Variants in RBFOX1 observed in about 807,000 individuals in gnomAD.
The protein encoded by RBFOX1 is RNA binding fox-1 homolog 1.
Under a neutral mutation model 57.7 loss-of-function variants are expected in RBFOX1, and 8 were observed. The observed-to-expected ratio is 0.14, with a 90% CI of 0.08 to 0.25. The LOEUF (loss-of-function observed/expected upper bound fraction) is 0.25, where lower values mean the gene tolerates loss of function less well. Ranked by LOEUF, RBFOX1 falls within the 10% of genes least tolerant of loss-of-function variation. The pLI, the probability that RBFOX1 is intolerant of heterozygous loss-of-function variation, is 1.00. For missense variants in RBFOX1, 611 were observed against 548.5 expected (o/e 1.11, Z -1.14); for synonymous variants, 326 against 222.4 (o/e 1.47, Z -4.15).
chr16:7,054,954 G>A (rs990485897), intron 4 of RBFOX1, among the ~76,000 whole-genome samples: 1 of 152,122 alleles, frequency 6.6e-6, no homozygotes, highest in African/African-American at 2.4e-5. Flanking sequence ...GTGCCCCATC[G>A]AGGCTGTGTA....
At chr16:7,047,313 G>A (rs2048317141) in intron 3 of RBFOX1, among the ~76,000 whole-genome samples, 1 of 152,110 alleles carries the variant, frequency 6.6e-6, no homozygotes, top group Non-Finnish European at 1.5e-5. Context: ...ATTGGATGTA[G>A]TATTCTCAGT....
chr16:6,976,628 C>T (rs532857848), intron 3 of RBFOX1, among the ~76,000 whole-genome samples: 18 of 150,986 alleles, frequency 1.2e-4, no homozygotes, highest in Non-Finnish European at 2.2e-4. Flanking sequence ...AGAGGAAGAA[C>T]GCATCCACCC....
intron 2 of RBFOX1, among the ~76,000 whole-genome samples, chr16:6,647,886 G>T (rs553480754): frequency 3.3e-5 from 5 of 152,272 alleles, no homozygotes; most frequent in South Asian, 4.1e-4. Flanking sequence ...TTGTTGCCCA[G>T]TCTGGAGTGT....
intron 1 of RBFOX1, among the ~76,000 whole-genome samples, chr16:6,132,263 C>A (rs1267142060): frequency 6.6e-6 from 1 of 152,110 alleles, no homozygotes; most frequent in Non-Finnish European, 1.5e-5. Context: ...TCTCTATTTC[C>A]AGCCCCCTGG....
intron 5 of RBFOX1, among the ~76,000 whole-genome samples, chr16:7,559,876 A>G (rs1318710719): frequency 6.6e-6 from 1 of 152,220 alleles, no homozygotes; most frequent in Non-Finnish European, 1.5e-5. Context: ...GGGATGAAGT[A>G]ACATGTCCAA....
intron 14 of RBFOX1, among the ~76,000 whole-genome samples, chr16:7,699,264 T>A (rs575972048): frequency 1.2e-5 from 1 of 83,338 alleles, no homozygotes; most frequent in South Asian, 4.2e-4. Flanking sequence ...GATCTTAGCT[T>A]CCTGTAATCC....
rs763257136 is a variant in RBFOX1, at chr16:6,331,024, C to A, written c.-64+13967C>A. 9.2e-5 allele frequency among the ~76,000 whole-genome samples: 14 copies of A among 152,106 alleles called. 1 individual carries two copies. Among genetic ancestry groups the A allele is most frequent in the Admixed American group, 6.5e-5 (1 of 15,274 alleles). On this transcript the variant is annotated intron_variant, in intron 2 of 15. Transcript: ENST00000550418. The stretch of plus-strand genomic sequence containing the variant: ...AGACTTCAGATTTTATCCTAAGTGC[C>A]TTGGGCAGCTCTTAAGGGATCTGAA...
In RBFOX1 at chr16:7,265,090, A is replaced by G. The variant is rs113803109; in HGVS notation, c.27+212992A>G. Among the ~76,000 whole-genome samples the G allele has an allele frequency of 2.2e-3, 334 of 152,374 alleles. 3 individuals are homozygous for G. Among genetic ancestry groups the G allele is most frequent in the African/African-American group, 7.6e-3 (315 of 41,590 alleles). ...AATAAGCTCCCAGACCCTTTGTTCT[A>G]GCAATATTTATTGAATTACTAATAA... On this transcript the variant is annotated intron_variant, in intron 4 of 15. Coordinates refer to ENST00000550418, the MANE Select transcript of RBFOX1 (RefSeq NM_018723.4).
intron 3 of RBFOX1, among the ~76,000 whole-genome samples, chr16:6,752,698 C>T (rs1365224478): frequency 6.6e-6 from 1 of 152,166 alleles, no homozygotes; most frequent in African/African-American, 2.4e-5. Flanking sequence ...GTATCGGTTT[C>T]ATGCAACAGG....
At chr16:6,743,716 C>G (rs908800600) in intron 3 of RBFOX1, among the ~76,000 whole-genome samples, 5 of 151,662 alleles carry the variant, frequency 3.3e-5, no homozygotes, top group Admixed American at 1.3e-4. Flanking sequence ...GTATTCCAGC[C>G]TGCACTCCAC....
chr16:6,841,798 T>G lies in RBFOX1; in HGVS notation c.-16+187148T>G, dbSNP rs554445615. Among the ~76,000 whole-genome samples, 13 of 152,200 alleles carry G rather than the reference T, an allele frequency of 8.5e-5. No individual in the cohort carries two copies. In the South Asian group the frequency reaches 1.2e-3, roughly 15 times the overall value. On this transcript the variant is annotated intron_variant, in intron 3 of 15. Coordinates refer to ENST00000550418, the MANE Select transcript of RBFOX1 (RefSeq NM_018723.4). ...GGTTCCATTCTCAAGCCAGTGAACATCACTGTCTTCATGTGAATGTTCTTC... is the reference window on the plus strand; with the variant it reads ...GGTTCCATTCTCAAGCCAGTGAACAGCACTGTCTTCATGTGAATGTTCTTC...
chr16:5,679,228 T>A (rs1214087630), intron 3 of RBFOX1, among the ~76,000 whole-genome samples: 1 of 152,180 alleles, frequency 6.6e-6, no homozygotes, highest in African/African-American at 2.4e-5. Context: ...AACCAGGAGT[T>A]TTCTGTTCAT....
rs1219344994 is a variant in RBFOX1, at chr16:7,599,696, A to C, written c.622+2265A>C. On this transcript the variant is annotated intron_variant, in intron 9 of 15. Transcript: ENST00000550418. ...GGTCTCACTTTTTCACCCAGGCTGG[A>C]GGGCAGTGGCATGCTATTGGCTCAT... 3.7e-5 allele frequency among the ~76,000 whole-genome samples: 5 copies of C among 133,872 alleles called. No individual in the cohort carries two copies. The East Asian group carries it at 1.1e-3, about 31-fold the overall frequency. The allele number at this position is 133,872 out of a possible 152,430, so 87.8% of individuals were successfully genotyped here.
intron 3 of RBFOX1, among the ~76,000 whole-genome samples, chr16:6,812,412 C>A (rs890419066): frequency 6.6e-6 from 1 of 152,096 alleles, no homozygotes; most frequent in Non-Finnish European, 1.5e-5. Flanking sequence ...TGGGTCTTGT[C>A]ACCCAGGCTG....
At chr16:5,635,625 T>G (rs1018227400) in intron 3 of RBFOX1, among the ~76,000 whole-genome samples, 1 of 147,724 alleles carries the variant, frequency 6.8e-6, no homozygotes, top group Non-Finnish European at 1.5e-5. Flanking sequence ...GGTGGCTTAG[T>G]CATTGACATG....
intron 2 of RBFOX1, among the ~76,000 whole-genome samples, chr16:6,348,091 G>C (rs2085676687): frequency 6.6e-6 from 1 of 152,180 alleles, no homozygotes; most frequent in African/African-American, 2.4e-5. Flanking sequence ...AGAGGCAGGA[G>C]TGCTCTGAGG....
intron 3 of RBFOX1, among the ~76,000 whole-genome samples, chr16:5,735,629 G>T (rs1485490814): frequency 6.6e-6 from 1 of 152,164 alleles, no homozygotes; most frequent in Non-Finnish European, 1.5e-5. Context: ...GGGCCCAGTG[G>T]TTCACGCCTA....
At chr16:5,592,730 G>T (rs1354529742) in intron 2 of RBFOX1, among the ~76,000 whole-genome samples, 2 of 152,218 alleles carry the variant, frequency 1.3e-5, no homozygotes, top group African/African-American at 4.8e-5. Flanking sequence ...GAGGTGTGGT[G>T]GAAATGTGTG....
At chr16:6,852,466 C>G (rs1333369543) in intron 3 of RBFOX1, among the ~76,000 whole-genome samples, 2 of 152,176 alleles carry the variant, frequency 1.3e-5, no homozygotes, top group Non-Finnish European at 2.9e-5. Flanking sequence ...TGGCTATTAT[C>G]TGGCTTATTA....
Sources: allele counts gnomAD v4.1 joint callset (sites outside exome capture counted in the v4.1 genomes callset), GRCh38; gene constraint gnomAD v4.1.1; transcripts MANE v1.5; gene names NCBI Gene and HGNC (gene_info 2026-07-23, HGNC 2026-07-21).